Variants in PRR27 observed in about 807,000 individuals in gnomAD.
PRR27 encodes proline-rich protein 27.
PRR27 carries 12 observed loss-of-function variants against 16.8 expected under a neutral mutation model. The observed-to-expected ratio is 0.71, with a 90% CI of 0.46 to 1.16. The LOEUF is 1.16. PRR27 is among the 50% of genes most tolerant of loss of function. The probability of loss-of-function intolerance (pLI) is 0.00; values close to 1 mark genes in which losing one functional copy is unlikely to be tolerated. For synonymous variants in PRR27, 100 were observed against 98.4 expected (o/e 1.02, Z -0.10); for missense variants, 277 against 273.3 (o/e 1.01, Z -0.10).
At chr4:70,159,452 C>T (rs1728586264) in intron 3 of PRR27, among the ~76,000 whole-genome samples, 1 of 152,150 alleles carries the variant, frequency 6.6e-6, no homozygotes. Flanking sequence ...GCTTTAATGG[C>T]TTAAACATCC....
rs1347486913 is a variant in PRR27 at position 70,165,949 on chromosome 4, C to G, written c.*3288C>G. 6.6e-6 allele frequency: 1 copy of G among 152,058 alleles called. No homozygotes were observed. The highest frequency in any genetic ancestry group is 2.4e-5 in the African/African-American group (1 of 41,426). 9.4% of individuals were successfully genotyped at this position (152,058 alleles called of 1,614,324 possible). On this transcript the variant is annotated 3_prime_UTR_variant, in exon 5 of 5. Transcript: ENST00000344526. Reference sequence around the variant, plus strand: ...TTTTGTGGCCAGAAAGTCAGGACCTCAAAGAGGTATAAGTTTGTGTGTATA... The same window carrying G: ...TTTTGTGGCCAGAAAGTCAGGACCTGAAAGAGGTATAAGTTTGTGTGTATA...
chr4:70,160,255 G>A (rs2109793093), intron 3 of PRR27, among the ~76,000 whole-genome samples: 1 of 152,176 alleles, frequency 6.6e-6, no homozygotes, highest in South Asian at 2.1e-4. Flanking sequence ...TGTGCTCAAT[G>A]CTTAGCTCCC....
intron 3 of PRR27, among the ~76,000 whole-genome samples, chr4:70,160,079 T>G (rs1003560428): frequency 2.6e-5 from 4 of 152,146 alleles, no homozygotes; most frequent in Non-Finnish European, 5.9e-5. Flanking sequence ...ATGGGGTACA[T>G]ATGCAGATTT....
chr4:70,159,898 T>C (rs1728599024), intron 3 of PRR27, among the ~76,000 whole-genome samples: 1 of 152,212 alleles, frequency 6.6e-6, no homozygotes, highest in Non-Finnish European at 1.5e-5. Flanking sequence ...AACTTTTTCC[T>C]GCCCTAGTAC....
In PRR27 at chr4:70,163,654, C is replaced by T. The variant is rs2109796116; in HGVS notation, c.*993C>T. Reference sequence around the variant, plus strand: ...AGTCTACCTGCTTCCACTTTTCCTCCACCCTGATCACATACACACATGCAT... The same window carrying T: ...AGTCTACCTGCTTCCACTTTTCCTCTACCCTGATCACATACACACATGCAT... On this transcript the variant is annotated 3_prime_UTR_variant, in exon 5 of 5. Coordinates refer to ENST00000344526, the MANE Select transcript of PRR27 (RefSeq NM_214711.4). 6.6e-6 allele frequency: 1 copy of T among 152,340 alleles called. No homozygotes were observed. The highest frequency in any genetic ancestry group is 1.9e-4 in the East Asian group (1 of 5,182). 9.4% of individuals were successfully genotyped at this position (152,340 alleles called of 1,614,324 possible). A position where few individuals can be genotyped will look rare whatever the true frequency, so the allele number is the denominator to read the frequency against.
At chr4:70,154,893 T>C (rs1728441574) in intron 1 of PRR27, 3 of 574,936 alleles carry the variant, frequency 5.2e-6, no homozygotes, top group South Asian at 1.7e-5. Flanking sequence ...CAATGGCCTT[T>C]AGTGTAACAT....
At chr4:70,162,143 T>C (rs1728664611) in intron 4 of PRR27, among the ~76,000 whole-genome samples, 1 of 152,222 alleles carries the variant, frequency 6.6e-6, no homozygotes, top group Non-Finnish European at 1.5e-5. Flanking sequence ...CTTAGTCATC[T>C]GATCAGGGGA....
intron 3 of PRR27, among the ~76,000 whole-genome samples, chr4:70,161,240 A>G (rs1728644138): frequency 7.2e-6 from 1 of 138,408 alleles, no homozygotes; most frequent in Non-Finnish European, 1.5e-5. Context: ...ATATACCTGT[A>G]GCTCATGGTT....
At position 70,154,362 on chromosome 4, in the gene PRR27, T is replaced by C. The variant is rs765981795; in HGVS notation, c.-14T>C. ...AATAAATTTATAGTGTTAATATTCA[T>C]AGGGTCAATCAAAATGAAGCTTCTC... On this transcript the variant is annotated 5_prime_UTR_variant, in exon 1 of 5. Transcript: ENST00000344526. 1 of 1,597,768 alleles carries C rather than the reference T, an allele frequency of 6.3e-7. No homozygotes were observed. Among genetic ancestry groups the C allele is most frequent in the South Asian group, 1.1e-5 (1 of 90,698 alleles).
At chr4:70,155,782 C>G (rs919985978) in intron 1 of PRR27, among the ~76,000 whole-genome samples, 1 of 151,998 alleles carries the variant, frequency 6.6e-6, no homozygotes, top group African/African-American at 2.4e-5. Context: ...GCTGAATGAT[C>G]TTTCAGATGA....
chr4:70,159,193 G>T (rs1479510520), intron 3 of PRR27, among the ~76,000 whole-genome samples: 3 of 151,884 alleles, frequency 2.0e-5, no homozygotes, highest in African/African-American at 7.3e-5. Context: ...CCCATCCCTG[G>T]GCTGTTTTTT....
chr4:70,154,853 T>C, intron 1 of PRR27: 8 of 939,594 alleles, frequency 8.5e-6, no homozygotes, highest in Non-Finnish European at 1.0e-5. Flanking sequence ...ATCATACCTT[T>C]AGTGGACTGT....
chr4:70,162,664 A>G (rs1305493077), intron 4 of PRR27, 31 bp from the exon 5 acceptor site: 1 of 152,202 alleles, frequency 6.6e-6, no homozygotes, highest in Non-Finnish European at 1.5e-5. Context: ...TCATTTTATT[A>G]TACTGAACCA....
chr4:70,156,964 A>T (rs987438532), intron 2 of PRR27, among the ~76,000 whole-genome samples: 1 of 152,280 alleles, frequency 6.6e-6, no homozygotes, highest in East Asian at 1.9e-4. Context: ...ATATGTATAC[A>T]TGTGCCATGT....
intron 3 of PRR27, among the ~76,000 whole-genome samples, chr4:70,159,771 C>T (rs139366020): frequency 3.4e-4 from 51 of 152,210 alleles, no homozygotes; most frequent in Non-Finnish European, 4.4e-4. Context: ...TAAACAGGAA[C>T]GGATAAATGT....
intron 3 of PRR27, among the ~76,000 whole-genome samples, chr4:70,160,982 T>C (rs1212313124): frequency 6.6e-6 from 1 of 151,724 alleles, no homozygotes. Context: ...TAAGAACTCT[T>C]TTTCTTTTAA....
chr4:70,157,360 C>A (rs1728508289), intron 2 of PRR27, among the ~76,000 whole-genome samples: 1 of 151,446 alleles, frequency 6.6e-6, no homozygotes, highest in South Asian at 2.1e-4. Flanking sequence ...ACAGAACTTC[C>A]ATCAAGAAAA....
intron 2 of PRR27, among the ~76,000 whole-genome samples, chr4:70,158,035 G>C (rs988667684): frequency 1.3e-5 from 2 of 152,112 alleles, no homozygotes; most frequent in African/African-American, 4.8e-5. Context: ...CTAAAAGTGC[G>C]AGTGCTTTCC....
Position 70,164,399 on chromosome 4 carries a change from T to C in PRR27, c.*1738T>C, listed in dbSNP as rs1728719368. 1 of 152,180 alleles carries C rather than the reference T, an allele frequency of 6.6e-6. No homozygotes were observed. Among genetic ancestry groups the C allele is most frequent in the South Asian group, 2.1e-4 (1 of 4,832 alleles). 9.4% of individuals were successfully genotyped at this position (152,180 alleles called of 1,614,324 possible). A position where few individuals can be genotyped will look rare whatever the true frequency, so the allele number is the denominator to read the frequency against. ...TTTGTATTTTTCCCTATATCCTACA[T>C]TGGATCAGAATATTACTGTTATGTA... On this transcript the variant is annotated 3_prime_UTR_variant, in exon 5 of 5. Transcript: ENST00000344526.
Sources: allele counts gnomAD v4.1 joint callset (sites outside exome capture counted in the v4.1 genomes callset), GRCh38; gene constraint gnomAD v4.1.1; transcripts MANE v1.5; gene names NCBI Gene and HGNC (gene_info 2026-07-23, HGNC 2026-07-21).